The following DNAH17 variants were observed in gnomAD, a reference collection of about 807,000 sequenced individuals.
The protein encoded by DNAH17 is dynein axonemal heavy chain 17.
DNAH17 carries 376 observed loss-of-function variants against 485.6 expected under a neutral mutation model. The observed-to-expected ratio is 0.77, with a 90% CI of 0.71 to 0.84. DNAH17 has a LOEUF of 0.84. DNAH17 is among the 40% of genes least tolerant of loss of function. DNAH17 has a pLI of 0.00. For missense variants in DNAH17, 6,370 were observed against 5,839.3 expected (o/e 1.09, Z -2.96); for synonymous variants, 3,031 against 2,405.9 (o/e 1.26, Z -7.60).
rs79191062 is a variant in DNAH17 at position 78,560,758 on chromosome 17, G to A, written c.2013C>T (p.His671=). The A allele has an allele frequency of 4.1e-5, 64 of 1,551,450 alleles. No individual in the cohort carries two copies. The highest frequency in any genetic ancestry group is 3.4e-4 in the Middle Eastern group (2 of 5,912). ...CACCCACCGCTTTGCTGAAGTTGAC[G>A]TGGATGAGGTTGCTAGCGGCGTCCC... The part of the protein sequence containing the change: ...ILRDAASNLI[H]VNFSKALVAV... The change falls in exon 13 of 81, where the codon CAC becomes CAT. Residue 671 remains histidine, a synonymous_variant. Coordinates refer to ENST00000389840, the MANE Select transcript of DNAH17 (RefSeq NM_173628.4).
At chr17:78,487,839 C>G (rs1172173087) in intron 44 of DNAH17, among the ~76,000 whole-genome samples, 1 of 152,174 alleles carries the variant, frequency 6.6e-6, no homozygotes, top group Non-Finnish European at 1.5e-5. Flanking sequence ...ACACACTCTT[C>G]TGTGAGTGTG....
Position 78,480,683 on chromosome 17 carries a change from C to A in DNAH17, c.7752+1G>T. The A allele has an allele frequency of 6.2e-7, 1 of 1,612,912 alleles. No individual in the cohort carries two copies. The highest frequency in any genetic ancestry group is 8.5e-7 in the Non-Finnish European group (1 of 1,179,352). ...CGGGGATGAGTATGGTTTCTGCTTA[C>A]CTGAAGCCTGGAGTCGATGGTGAAG... is the stretch of plus-strand genomic sequence containing the variant. On this transcript the variant is annotated splice_donor_variant, in intron 49 of 80. Coordinates refer to ENST00000389840, the MANE Select transcript of DNAH17 (RefSeq NM_173628.4). LOFTEE classifies it high-confidence loss of function.
intron 9 of DNAH17, among the ~76,000 whole-genome samples, chr17:78,567,582 C>G (rs1220241074): frequency 6.6e-6 from 1 of 152,166 alleles, no homozygotes; most frequent in Non-Finnish European, 1.5e-5. Context: ...TCCCCGCTAC[C>G]TGGAAGACCA....
Position 78,437,860 on chromosome 17 carries a change from G to A in DNAH17, c.11814C>T (p.His3938=), listed in dbSNP as rs778802451. 3.7e-6 allele frequency: 6 copies of A among 1,609,096 alleles called. No individual in the cohort carries two copies. Among genetic ancestry groups the A allele is most frequent in the East Asian group, 2.2e-5 (1 of 44,806 alleles). The change falls in exon 74 of 81, where the codon CAC becomes CAT. Residue 3938 remains histidine (H), a synonymous_variant. Transcript: ENST00000389840. ...KGHWVILQNI[H]LVARWLGTLD... is the part of the protein sequence containing the mutation. ...GTGTTCCCAGCCACCGGGCCACCAG[G>A]TGGATATTCTGCAGCCAAGACTAGA... is the stretch of plus-strand genomic sequence containing the variant.
In DNAH17 at chr17:78,449,588, G is replaced by T; in HGVS notation, c.11041-4C>A. 1 of 1,587,114 alleles carries T rather than the reference G, an allele frequency of 6.3e-7. No individual in the cohort carries two copies. On this transcript the variant is annotated splice_region_variant and splice_polypyrimidine_tract_variant and intron_variant, in intron 68 of 80. Coordinates refer to ENST00000389840, the MANE Select transcript of DNAH17 (RefSeq NM_173628.4). ...TCTCAAACACCACGTTGAAGGCCTG[G>T]GGATCCGCCACCGAGAGCCATGGAG...
rs1394509954 is a variant in DNAH17, at chr17:78,446,641, T to A, written c.11212-961A>T. On this transcript the variant is annotated intron_variant, in intron 69 of 80. Transcript: ENST00000389840. ...CTGATTTTTTAAATTTATTTTATTA[T>A]TTATTATTATTTATTTTTTTGAGAC... Among the ~76,000 whole-genome samples the A allele has an allele frequency of 6.6e-5, 10 of 152,164 alleles. No individual in the cohort carries two copies. The East Asian group carries it at 1.9e-3, about 29-fold the overall frequency.
chr17:78,510,715 T>A (rs1568178259), intron 26 of DNAH17: 2 of 608,666 alleles, frequency 3.3e-6, no homozygotes, highest in African/African-American at 1.9e-5. Flanking sequence ...TAAAACCGCA[T>A]AAGAGCAGAA....
chr17:78,424,564 GC>G, intron 80 of DNAH17: 1 of 156,940 alleles, frequency 6.4e-6, no homozygotes, highest in East Asian at 1.8e-4. Context: ...TATAAATATT[GC>G]CTTTAACCAG....
chr17:78,536,948 G>C (rs2091390595), intron 19 of DNAH17, among the ~76,000 whole-genome samples: 1 of 152,080 alleles, frequency 6.6e-6, no homozygotes, highest in Non-Finnish European at 1.5e-5. Flanking sequence ...GGCCGAGGCG[G>C]GTGGATCATG....
Position 78,502,993 on chromosome 17 carries a change from G to GC in DNAH17, c.4974_4975insG (p.Arg1659AlafsTer62). On this transcript the variant is annotated frameshift_variant, in exon 32 of 81. Transcript: ENST00000389840. LOFTEE classifies it high-confidence loss of function. Reference sequence around the variant, plus strand: ...GTAGAGCACATTCGGTCCAGCACTCGATTCAGCCACACTTCCACCTGGGGA... The same window carrying GC: ...GTAGAGCACATTCGGTCCAGCACTCGCATTCAGCCACACTTCCACCTGGGGA... 3 of 1,613,674 alleles carry GC rather than the reference G, an allele frequency of 1.9e-6. No homozygotes were observed. Among genetic ancestry groups the GC allele is most frequent in the Non-Finnish European group, 2.5e-6 (3 of 1,179,802 alleles).
intron 41 of DNAH17, among the ~76,000 whole-genome samples, chr17:78,493,486 C>T (rs910211726): frequency 6.6e-6 from 1 of 152,228 alleles, no homozygotes; most frequent in Middle Eastern, 3.2e-3. Context: ...TGTGTATGTC[C>T]GAGTTCCTTT....
intron 38 of DNAH17, among the ~76,000 whole-genome samples, chr17:78,495,649 G>A (rs6501222): frequency 0.31 from 46,627 of 151,868 alleles, 7,420 homozygotes; most frequent in East Asian, 0.44. Flanking sequence ...TCTTGACCGG[G>A]CTGGTCTTGA....
chr17:78,427,029 T>C lies in DNAH17; in HGVS notation c.12668A>G (p.Glu4223Gly). The C allele has an allele frequency of 6.2e-7, 1 of 1,606,462 alleles. No homozygotes were observed. Among genetic ancestry groups the C allele is most frequent in the Non-Finnish European group, 8.5e-7 (1 of 1,176,572 alleles). ...GGCGACTACCACGTAGGGGGTCTTT[T>C]CCGCTGCCTTTGCCATGATCTCAGC... ...NMAEIMAKAA[E>G]KTPYVVVAFQ... The change falls in exon 78 of 81, where the codon GAA becomes GGA. Residue 4223 changes from glutamate to glycine, a missense_variant. Coordinates refer to ENST00000389840, the MANE Select transcript of DNAH17 (RefSeq NM_173628.4).
chr17:78,571,156 G>C (rs1274409384), intron 5 of DNAH17, 123 bp from the exon 6 acceptor site: 2 of 1,274,958 alleles, frequency 1.6e-6, no homozygotes, highest in Admixed American at 4.0e-5. Context: ...TCAAGTGGAG[G>C]GGGCTGAGAA....
intron 73 of DNAH17, among the ~76,000 whole-genome samples, chr17:78,438,425 AAGGAGG>A (rs142149972): frequency 1.2e-3 from 6 of 5,138 alleles, no homozygotes; most frequent in South Asian, 0.023. Flanking sequence ...AAGTGAGGAG[AAGGAGG>A]AGGAGGAGGA....
intron 33 of DNAH17, chr17:78,502,325 G>A (rs1387285791): frequency 2.8e-6 from 1 of 359,982 alleles, no homozygotes; most frequent in Non-Finnish European, 5.0e-6. Flanking sequence ...TTTTTTTAAA[G>A]ACTCTCAGTA....
intron 1 of DNAH17, among the ~76,000 whole-genome samples, chr17:78,576,226 G>C (rs982881425): frequency 1.3e-5 from 2 of 152,196 alleles, no homozygotes; most frequent in African/African-American, 2.4e-5. Context: ...TTCCCCAAAA[G>C]ACACGTAATA....
chr17:78,468,870 G>C lies in DNAH17; in HGVS notation c.8525C>G (p.Ala2842Gly). The stretch of plus-strand genomic sequence containing the variant: ...CTTCACGGCAGCCTTTATGTACTGA[G>C]CAGCGAGGTCAATCTGGACGGAGTG... ...GIPDLKIDLA[A>G]QYIKAAVKNV... The change falls in exon 55 of 81, where the codon GCT (alanine) becomes GGT (glycine). Residue 2842 changes from alanine to glycine, a missense_variant. Physicochemically the swap from Ala to Gly is moderately conservative, Grantham distance 60 (BLOSUM62 0). Coordinates refer to ENST00000389840, the MANE Select transcript of DNAH17 (RefSeq NM_173628.4). 1.2e-6 allele frequency: 2 copies of C among 1,613,358 alleles called. No homozygotes were observed. Among genetic ancestry groups the C allele is most frequent in the Non-Finnish European group, 8.5e-7 (1 of 1,179,796 alleles).
intron 80 of DNAH17, chr17:78,424,446 G>A: frequency 2.7e-6 from 1 of 372,830 alleles, no homozygotes; most frequent in East Asian, 4.5e-5. Flanking sequence ...AATGTCAGTG[G>A]CAGGAAGTCA....
Sources: allele counts gnomAD v4.1 joint callset (sites outside exome capture counted in the v4.1 genomes callset), GRCh38; gene constraint gnomAD v4.1.1; transcripts MANE v1.5; gene names NCBI Gene and HGNC (gene_info 2026-07-23, HGNC 2026-07-21).